CEACAM18: variants seen among roughly 807,000 people sequenced by gnomAD.
The protein encoded by CEACAM18 is CEA cell adhesion molecule 18.
CEACAM18 carries 33 observed loss-of-function variants against 34.3 expected under a neutral mutation model. The observed-to-expected ratio is 0.96, with a 90% CI of 0.73 to 1.29. CEACAM18 has a LOEUF of 1.29. Among genes scored for constraint, CEACAM18 ranks in the 50% most tolerant of loss-of-function variants. CEACAM18 has a pLI of 0.00. For missense variants in CEACAM18, 474 were observed against 485.0 expected, an observed-to-expected ratio of 0.98 and a Z score of 0.21; for synonymous variants, 169 against 180.9, an observed-to-expected ratio of 0.93 and a Z score of 0.53.
intron 2 of CEACAM18, among the ~76,000 whole-genome samples, chr19:51,481,006 G>A (rs1225902024): frequency 6.6e-6 from 1 of 152,318 alleles, no homozygotes; most frequent in Admixed American, 6.5e-5. Flanking sequence ...TAGCGTTGGA[G>A]GGAGTATTCG....
exon 5 of CEACAM18, chr19:51,485,118 A>G: frequency 6.0e-6 from 9 of 1,512,164 alleles, no homozygotes; most frequent in Non-Finnish European, 7.9e-6. Flanking sequence ...CCACTACTCA[A>G]TCAGGTGCCC....
At chr19:51,490,473 G>A in intron 5 of CEACAM18, 114 bp from the exon 6 acceptor site, 5 of 878,806 alleles carry the variant, frequency 5.7e-6, no homozygotes, top group Non-Finnish European at 7.5e-6. Context: ...ATGTGAGGAA[G>A]ACTTAGGCTT....
chr19:51,478,758 C>A lies in CEACAM18; in HGVS notation c.52+64C>A, dbSNP rs555831418. ...GAGGGAAGGGCAGCTAGGAGCAAAG[C>A]GGCGGGGAGGGGGCTGGGACCATCC... On this transcript the variant is annotated intron_variant, in intron 1 of 5. Transcript: ENST00000396477. 3.1e-4 allele frequency: 375 copies of A among 1,207,308 alleles called. 1 individual carries two copies. In the African/African-American group the frequency reaches 5.3e-3, roughly 17 times the overall value. The allele number at this position is 1,207,308 out of a possible 1,614,324, so 74.8% of individuals were successfully genotyped here. A position where few individuals can be genotyped will look rare whatever the true frequency, so the allele number is the denominator to read the frequency against.
At position 51,483,003 on chromosome 19, in the gene CEACAM18, C is replaced by A. The variant is rs199806441; in HGVS notation, c.674-14C>A. The A allele has an allele frequency of 6.9e-5, 112 of 1,611,566 alleles. 1 individual carries two copies. The Middle Eastern group carries it at 8.4e-4, about 12-fold the overall frequency. ...TCAGAAACATAGCCTGGGCCTCCTA[C>A]CCTGTCTCTACAGATGGGCCCGACT... On this transcript the variant is annotated splice_polypyrimidine_tract_variant and intron_variant, in intron 3 of 5. Transcript: ENST00000396477.
chr19:51,485,525 A>G (rs12327649), intron 5 of CEACAM18, among the ~76,000 whole-genome samples: 29,886 of 152,144 alleles, frequency 0.2, 3,092 homozygotes, highest in Middle Eastern at 0.36. Flanking sequence ...GAGATTGGGC[A>G]GTGGGATGGT....
chr19:51,488,790 C>T lies in CEACAM18; in HGVS notation c.1090-1797C>T, dbSNP rs1990043538. ...CAGGGCTCCAGAATCCCTCCTCATT[C>T]CCCTAAGAGCAGGGCCATTTCTGTT... On this transcript the variant is annotated intron_variant, in intron 5 of 5. Coordinates refer to ENST00000396477, the Ensembl canonical transcript of CEACAM18. 5.3e-5 allele frequency among the ~76,000 whole-genome samples: 8 copies of T among 152,260 alleles called. No homozygotes were observed. The South Asian group carries it at 1.5e-3, about 28-fold the overall frequency.
At position 51,483,310 on chromosome 19, in the gene CEACAM18, C is replaced by T. The variant is rs1174213256; in HGVS notation, c.953+14C>T. On this transcript the variant is annotated intron_variant, in intron 4 of 5. Coordinates refer to ENST00000396477, the Ensembl canonical transcript of CEACAM18. ...GGCCCCCCATGAGTGCAGCAGCTCC[C>T]CTCCAGGCTCATGCTTTGCACATCT... 7 of 1,613,426 alleles carry T rather than the reference C, an allele frequency of 4.3e-6. No individual in the cohort carries two copies. The South Asian group carries it at 4.4e-5, about 10-fold the overall frequency.
chr19:51,481,790 A>G, intron 3 of CEACAM18, 125 bp downstream of exon 3: 1 of 997,228 alleles, frequency 1.0e-6, no homozygotes, highest in East Asian at 2.7e-5. Flanking sequence ...CAGCCAGCTC[A>G]CTCTGGATTG....
At chr19:51,488,343 C>T (rs1990037618) in intron 5 of CEACAM18, among the ~76,000 whole-genome samples, 1 of 152,178 alleles carries the variant, frequency 6.6e-6, no homozygotes, top group African/African-American at 2.4e-5. Context: ...AAGGTATTTA[C>T]TAGTAAGAGC....
chr19:51,489,619 C>G (rs938974447), intron 5 of CEACAM18, among the ~76,000 whole-genome samples: 2 of 152,170 alleles, frequency 1.3e-5, no homozygotes, highest in Admixed American at 6.5e-5. Flanking sequence ...ATTATATGGT[C>G]CCTTCACCAA....
chr19:51,486,443 C>T lies in CEACAM18; in HGVS notation c.1089+1321C>T, dbSNP rs142182571. Among the ~76,000 whole-genome samples, 608 of 152,070 alleles carry T rather than the reference C, an allele frequency of 4.0e-3. 1 individual carries two copies. The highest frequency in any genetic ancestry group is 6.4e-3 in the Non-Finnish European group (432 of 67,956). ...GGTCAGCAGGTTGCATCATTGTGCC[C>T]GGAGGAAGCTGTTTCTTAGGGGATT... On this transcript the variant is annotated intron_variant, in intron 5 of 5. Coordinates refer to ENST00000396477, the Ensembl canonical transcript of CEACAM18.
chr19:51,486,723 C>CTTTTTTTTTTTTTT, intron 5 of CEACAM18, among the ~76,000 whole-genome samples: 1 of 135,410 alleles, frequency 7.4e-6, no homozygotes, highest in Non-Finnish European at 1.5e-5. Flanking sequence ...TCTTTTCTTT[C>CTTTTTTTTTTTTTT]TTTTTTTTTT....
In CEACAM18 at chr19:51,488,446, C is replaced by G. The variant is rs552090288; in HGVS notation, c.1090-2141C>G. On this transcript the variant is annotated intron_variant, in intron 5 of 5. Coordinates refer to ENST00000396477, the Ensembl canonical transcript of CEACAM18. ...CAAGTAAAGCACAGACAGGCTGACT[C>G]CCTGCTATCTCACTGTATGGTCAAT... is the stretch of plus-strand genomic sequence containing the variant. Among the ~76,000 whole-genome samples the G allele has an allele frequency of 2.0e-5, 3 of 152,326 alleles. No individual in the cohort carries two copies. In the South Asian group the frequency reaches 6.2e-4, roughly 32 times the overall value.
At chr19:51,482,551 A>G (rs904965528) in intron 3 of CEACAM18, among the ~76,000 whole-genome samples, 1 of 152,214 alleles carries the variant, frequency 6.6e-6, no homozygotes, top group African/African-American at 2.4e-5. Context: ...CAGAGGCTGC[A>G]GCTGCTCAGG....
rs887831387 is a variant in CEACAM18 at position 51,481,608 on chromosome 19, A to G, written c.616A>G (p.Ile206Val). ...CTATGACAGAACAATTCAGTGCATG[A>G]TAGAGAGTTTCCCAGAGATCTTTCA... The change falls in exon 3 of 6, where the codon ATA (isoleucine) becomes GTA (valine). Residue 206 changes from isoleucine (I) to valine (V), a missense_variant. Transcript: ENST00000396477. 24 of 1,613,870 alleles carry G rather than the reference A, an allele frequency of 1.5e-5. No homozygotes were observed. The African/African-American group carries it at 2.9e-4, about 20-fold the overall frequency.
At chr19:51,480,751 T>A (rs7251664) in intron 2 of CEACAM18, 71 bp downstream of exon 2, 1 of 1,367,086 alleles carries the variant, frequency 7.3e-7, no homozygotes, top group Non-Finnish European at 1.0e-6. Context: ...GAGAAGGACA[T>A]TATACAGAGC....
intron 3 of CEACAM18, among the ~76,000 whole-genome samples, chr19:51,482,426 C>T (rs1021433697): frequency 2.6e-5 from 4 of 152,190 alleles, no homozygotes; most frequent in Non-Finnish European, 5.9e-5. Flanking sequence ...TGTCAGATTT[C>T]CTAAAGCGCA....
At chr19:51,485,039 G>A (rs1403651812) in exon 5 of CEACAM18, 7 of 1,535,992 alleles carry the variant, frequency 4.6e-6, no homozygotes, top group Non-Finnish European at 6.1e-6. Flanking sequence ...CCATGGTGAT[G>A]TTCCTCATCA....
chr19:51,488,630 G>C (rs1990041107), intron 5 of CEACAM18, among the ~76,000 whole-genome samples: 1 of 152,232 alleles, frequency 6.6e-6, no homozygotes, highest in Non-Finnish European at 1.5e-5. Flanking sequence ...AGAGAATTCA[G>C]CTGAGAAGGG....
Sources: gnomAD v4.1 joint callset for allele counts (sites outside exome capture counted in the v4.1 genomes callset) on GRCh38, gnomAD v4.1.1 for gene constraint, MANE v1.5 for transcripts, NCBI Gene and HGNC (gene_info 2026-07-23, HGNC 2026-07-21) for gene names.